The following FARS2 variants were observed in gnomAD, a reference collection of about 807,000 sequenced individuals.
FARS2 encodes phenylalanine--tRNA ligase, mitochondrial.
Under a neutral mutation model 46.4 loss-of-function variants are expected in FARS2, and 40 were observed. The observed-to-expected ratio is 0.86, with a 90% CI of 0.67 to 1.12. The LOEUF (loss-of-function observed/expected upper bound fraction) is 1.12. Ranked by LOEUF, FARS2 falls within the 50% of genes most tolerant of loss-of-function variation. The pLI is 0.00. For missense variants in FARS2, 513 were observed against 567.9 expected (o/e 0.90, Z 0.98); for synonymous variants, 234 against 214.9 (o/e 1.09, Z -0.78).
rs117852443 is a variant in FARS2 at position 5,479,439 on chromosome 6, C to G, written c.904+48267C>G. On this transcript the variant is annotated intron_variant, in intron 4 of 6. Transcript: ENST00000274680. ...TTTGCTTTAGTGTTCATGCGTTTGA[C>G]CAGGGGACAGTCTTTTCTTGAAAAC... Among the ~76,000 whole-genome samples the G allele has an allele frequency of 1.3e-3, 195 of 152,258 alleles. 3 individuals carry two copies. The East Asian group carries it at 0.034, about 26-fold the overall frequency.
At chr6:5,433,205 C>T (rs1023510071) in intron 4 of FARS2, among the ~76,000 whole-genome samples, 4 of 152,126 alleles carry the variant, frequency 2.6e-5, no homozygotes, top group African/African-American at 4.8e-5. Flanking sequence ...CATCACCCCA[C>T]GAGCCTTGGC....
intron 6 of FARS2, among the ~76,000 whole-genome samples, chr6:5,659,894 G>A (rs1777772007): frequency 6.6e-6 from 1 of 152,148 alleles, no homozygotes; most frequent in African/African-American, 2.4e-5. Flanking sequence ...GTTATTCGAA[G>A]GAACTTTACA....
chr6:5,686,470 G>T (rs183732735), intron 6 of FARS2, among the ~76,000 whole-genome samples: 8 of 152,110 alleles, frequency 5.3e-5, no homozygotes, highest in Non-Finnish European at 1.2e-4. Context: ...TTTTGTCCTT[G>T]CTATAGTTTG....
At chr6:5,691,780 C>T (rs939893732) in intron 6 of FARS2, among the ~76,000 whole-genome samples, 3 of 152,200 alleles carry the variant, frequency 2.0e-5, no homozygotes, top group African/African-American at 7.2e-5. Context: ...ATGCATGCCC[C>T]CAGAGGTAGA....
chr6:5,424,947 C>T (rs774528446), intron 3 of FARS2, among the ~76,000 whole-genome samples: 3 of 152,166 alleles, frequency 2.0e-5, no homozygotes, highest in African/African-American at 4.8e-5. Flanking sequence ...TTGTGGTTAT[C>T]GAGGATGATC....
chr6:5,578,776 T>C (rs1582494392), intron 5 of FARS2, among the ~76,000 whole-genome samples: 1 of 135,418 alleles, frequency 7.4e-6, no homozygotes, highest in East Asian at 2.1e-4. Context: ...GCCACTGCAC[T>C]CCAGCCTGGA....
intron 4 of FARS2, among the ~76,000 whole-genome samples, chr6:5,540,764 C>T (rs933659891): frequency 3.3e-5 from 5 of 152,096 alleles, no homozygotes; most frequent in South Asian, 2.1e-4. Context: ...GTGTTTGTCA[C>T]GGGGAAATGA....
intron 1 of FARS2, among the ~76,000 whole-genome samples, chr6:5,265,889 A>C (rs1412400278): frequency 6.6e-6 from 1 of 152,210 alleles, no homozygotes; most frequent in Non-Finnish European, 1.5e-5. Context: ...ACCTCAGACC[A>C]ACAGCAGTGC....
At chr6:5,296,345 G>T (rs1390360181) in intron 1 of FARS2, among the ~76,000 whole-genome samples, 13 of 152,034 alleles carry the variant, frequency 8.6e-5, no homozygotes, top group Non-Finnish European at 1.6e-4. Flanking sequence ...GTTTCACTGT[G>T]TTAGCCAGGA....
chr6:5,762,781 C>G (rs974849225), intron 6 of FARS2, among the ~76,000 whole-genome samples: 1 of 152,168 alleles, frequency 6.6e-6, no homozygotes, highest in African/African-American at 2.4e-5. Context: ...GAGGAACCAT[C>G]TGGACTGGTT....
chr6:5,726,080 A>G (rs1350292794), intron 6 of FARS2, among the ~76,000 whole-genome samples: 1 of 152,188 alleles, frequency 6.6e-6, no homozygotes, highest in Non-Finnish European at 1.5e-5. Context: ...ACTTTAAAAG[A>G]CTAGGTATGC....
At chr6:5,370,430 A>G (rs1758984802) in intron 2 of FARS2, among the ~76,000 whole-genome samples, 1 of 152,204 alleles carries the variant, frequency 6.6e-6, no homozygotes, top group Admixed American at 6.5e-5. Context: ...ATGATTAATA[A>G]GGATATAGAT....
intron 6 of FARS2, among the ~76,000 whole-genome samples, chr6:5,705,434 C>T (rs1189459556): frequency 9.2e-5 from 14 of 152,150 alleles, no homozygotes; most frequent in Admixed American, 8.5e-4. Context: ...CAGATCATGG[C>T]GCTTCACACA....
chr6:5,722,468 G>A (rs1759976036), intron 6 of FARS2, among the ~76,000 whole-genome samples: 1 of 152,258 alleles, frequency 6.6e-6, no homozygotes, highest in African/African-American at 2.4e-5. Context: ...GGTTATCTCA[G>A]GTGGGATGGC....
intron 1 of FARS2, among the ~76,000 whole-genome samples, chr6:5,320,409 C>T (rs1335704028): frequency 1.3e-5 from 2 of 152,204 alleles, no homozygotes; most frequent in Non-Finnish European, 2.9e-5. Flanking sequence ...GCTGACTGCC[C>T]ATTCAGTTGT....
intron 5 of FARS2, among the ~76,000 whole-genome samples, chr6:5,571,514 G>A (rs893364215): frequency 2.0e-5 from 3 of 152,172 alleles, no homozygotes; most frequent in Non-Finnish European, 2.9e-5. Flanking sequence ...GATTCTTCAA[G>A]TTGGCCTTTC....
At chr6:5,501,652 A>T (rs1767807845) in intron 4 of FARS2, among the ~76,000 whole-genome samples, 1 of 151,720 alleles carries the variant, frequency 6.6e-6, no homozygotes, top group South Asian at 2.1e-4. Flanking sequence ...GAGCCACCAC[A>T]CCCATCTAAT....
chr6:5,552,969 C>T (rs1199939556), intron 5 of FARS2, among the ~76,000 whole-genome samples: 3 of 152,148 alleles, frequency 2.0e-5, no homozygotes, highest in African/African-American at 7.2e-5. Flanking sequence ...GTTTTTTAAA[C>T]AGTCTAAAAT....
intron 1 of FARS2, among the ~76,000 whole-genome samples, chr6:5,332,667 T>A (rs1770878177): frequency 6.6e-6 from 1 of 152,224 alleles, no homozygotes; most frequent in Non-Finnish European, 1.5e-5. Flanking sequence ...CACCTATTTA[T>A]GTTGGATGTA....
Sources: allele counts gnomAD v4.1 joint callset (sites outside exome capture counted in the v4.1 genomes callset), GRCh38; gene constraint gnomAD v4.1.1; transcripts MANE v1.5; gene names NCBI Gene and HGNC (gene_info 2026-07-23, HGNC 2026-07-21).